Variants in TMEM123 observed in about 807,000 individuals in gnomAD.
TMEM123 encodes porimin.
Under a neutral mutation model 19.7 loss-of-function variants are expected in TMEM123, and 16 were observed. The ratio of observed to expected loss-of-function variants is 0.81; its 90% CI spans 0.55 to 1.23. The LOEUF (loss-of-function observed/expected upper bound fraction) is 1.23, where lower values mean the gene tolerates loss of function less well. Among genes scored for constraint, TMEM123 ranks in the 50% most tolerant of loss-of-function variants. The probability of loss-of-function intolerance (pLI) is 0.00; values close to 1 mark genes in which losing one functional copy is unlikely to be tolerated. For missense variants in TMEM123, 313 were observed against 257.8 expected (o/e 1.21, Z -1.47); for synonymous variants, 118 against 99.4 (o/e 1.19, Z -1.12).
intron 2 of TMEM123, among the ~76,000 whole-genome samples, chr11:102,425,813 G>C (rs1430066119): frequency 1.3e-5 from 2 of 151,822 alleles, no homozygotes; most frequent in Non-Finnish European, 2.9e-5. Flanking sequence ...AACTCCTGGA[G>C]TCAAGCAATC....
At chr11:102,426,335 C>T (rs1489724227) in intron 2 of TMEM123, among the ~76,000 whole-genome samples, 1 of 152,148 alleles carries the variant, frequency 6.6e-6, no homozygotes, top group African/African-American at 2.4e-5. Flanking sequence ...TGAATGCTTA[C>T]CTACATTAAC....
At chr11:102,413,255 A>C (rs2135848588) in intron 2 of TMEM123, among the ~76,000 whole-genome samples, 1 of 152,356 alleles carries the variant, frequency 6.6e-6, no homozygotes, top group East Asian at 1.9e-4. Context: ...AGTTTCTATT[A>C]AGGTATGTGT....
intron 2 of TMEM123, among the ~76,000 whole-genome samples, chr11:102,427,604 T>C (rs1952140543): frequency 6.6e-6 from 1 of 150,990 alleles, no homozygotes; most frequent in Non-Finnish European, 1.5e-5. Flanking sequence ...TTCGGGAGGC[T>C]GAGGCAGGTG....
intron 2 of TMEM123, among the ~76,000 whole-genome samples, chr11:102,448,531 C>G (rs1399864754): frequency 6.6e-6 from 1 of 152,238 alleles, no homozygotes; most frequent in Non-Finnish European, 1.5e-5. Flanking sequence ...AAAACCCTCA[C>G]ATCTAAAAAT....
At chr11:102,430,504 G>T (rs768671053) in intron 2 of TMEM123, among the ~76,000 whole-genome samples, 2 of 152,210 alleles carry the variant, frequency 1.3e-5, no homozygotes, top group Non-Finnish European at 2.9e-5. Flanking sequence ...TGGACCTGAG[G>T]AAACAAGCTT....
Position 102,436,492 on chromosome 11 carries a change from T to C in TMEM123, c.157+12320A>G, listed in dbSNP as rs57571085. 7.3e-3 allele frequency among the ~76,000 whole-genome samples: 1,115 copies of C among 152,090 alleles called. 20 individuals carry two copies. The highest frequency in any genetic ancestry group is 0.025 in the African/African-American group (1,021 of 41,550). ...TTTAACTCCTTATAAATAAATGTAA[T>C]TCAAAGCCAAGAAGACTGGTGCATG... is the stretch of plus-strand genomic sequence containing the variant. On this transcript the variant is annotated intron_variant, in intron 2 of 4. Coordinates refer to ENST00000398136, the MANE Select transcript of TMEM123 (RefSeq NM_052932.3).
At chr11:102,412,528 G>A (rs1952014014) in intron 2 of TMEM123, among the ~76,000 whole-genome samples, 1 of 152,058 alleles carries the variant, frequency 6.6e-6, no homozygotes. Flanking sequence ...ATAAGATATA[G>A]AAATGCTAAA....
At chr11:102,446,578 T>C (rs183032341) in intron 2 of TMEM123, among the ~76,000 whole-genome samples, 1 of 152,352 alleles carries the variant, frequency 6.6e-6, no homozygotes, top group East Asian at 1.9e-4. Context: ...AAAATATCTA[T>C]GTTGCTCCAC....
chr11:102,410,869 T>A (rs1049335454), intron 2 of TMEM123, among the ~76,000 whole-genome samples: 2 of 152,150 alleles, frequency 1.3e-5, no homozygotes, highest in Admixed American at 6.5e-5. Flanking sequence ...GATTTTCACC[T>A]CCTCCTCAGG....
chr11:102,435,952 G>A (rs1857758352), intron 2 of TMEM123, among the ~76,000 whole-genome samples: 1 of 151,738 alleles, frequency 6.6e-6, no homozygotes, highest in Non-Finnish European at 1.5e-5. Context: ...CTTGACTGTG[G>A]TGATGGTTAA....
At chr11:102,398,999 A>G in intron 4 of TMEM123, 108 bp from the exon 5 acceptor site, 6 of 987,382 alleles carry the variant, frequency 6.1e-6, no homozygotes, top group South Asian at 6.0e-5. Flanking sequence ...AAGCTGCACA[A>G]TCAAAATGGT....
At chr11:102,411,828 GAC>G (rs940208942) in intron 2 of TMEM123, among the ~76,000 whole-genome samples, 10 of 152,168 alleles carry the variant, frequency 6.6e-5, no homozygotes, top group Non-Finnish European at 1.3e-4. Flanking sequence ...CAAAGTGTCA[GAC>G]ACAGTTCTGG....
rs368542693 is a variant in TMEM123 at position 102,402,144 on chromosome 11, G to A, written c.220C>T (p.Pro74Ser). The change falls in exon 3 of 5, where the codon CCA becomes TCA. Residue 74 changes from proline to serine, a missense_variant. Coordinates refer to ENST00000398136, the MANE Select transcript of TMEM123 (RefSeq NM_052932.3). ...NETSNSTVKP[P>S]TSVASDSSNT... is the part of the protein sequence containing the mutation. ...CTGGAGTCTGAGGCAACTGAAGTTG[G>A]TGGTTTCACAGTACTGTTGGAAGTT... The A allele has an allele frequency of 7.4e-5, 120 of 1,614,038 alleles. No individual in the cohort carries two copies. Among genetic ancestry groups the A allele is most frequent in the Non-Finnish European group, 8.2e-5 (97 of 1,180,038 alleles).
chr11:102,398,421 T>C lies in TMEM123; in HGVS notation c.*446A>G, dbSNP rs924835966. On this transcript the variant is annotated 3_prime_UTR_variant, in exon 5 of 5. Transcript: ENST00000398136. ...TATAATTTCTGTGTGGCATTAGTAA[T>C]TAAGATATATCCAGCTCTGAAAAGC... is the stretch of plus-strand genomic sequence containing the variant. The C allele has an allele frequency of 2.5e-6, 1 of 397,118 alleles. No homozygotes were observed. Among genetic ancestry groups the C allele is most frequent in the African/African-American group, 2.1e-5 (1 of 48,616 alleles). The allele number at this position is 397,118 out of a possible 1,614,324, so 24.6% of individuals were successfully genotyped here. A position where few individuals can be genotyped will look rare whatever the true frequency, so the allele number is the denominator to read the frequency against.
chr11:102,401,793 G>A (rs1951915520), intron 3 of TMEM123, 101 bp from the exon 4 acceptor site: 1 of 1,484,312 alleles, frequency 6.7e-7, no homozygotes, highest in Non-Finnish European at 9.0e-7. Context: ...CATTTAATTA[G>A]GAATTAAGGG....
At position 102,398,467 on chromosome 11, in the gene TMEM123, C is replaced by T. The variant is rs564089674; in HGVS notation, c.*400G>A. On this transcript the variant is annotated 3_prime_UTR_variant, in exon 5 of 5. Transcript: ENST00000398136. ...AAAGCACTGAAGTTCTTTATGTGAG[C>T]TACAAAAGATACCCAAAATCCTGAG... 7 of 406,556 alleles carry T rather than the reference C, an allele frequency of 1.7e-5. No homozygotes were observed. The South Asian group carries it at 5.8e-4, about 34-fold the overall frequency. The allele number at this position is 406,556 out of a possible 1,614,324, so 25.2% of individuals were successfully genotyped here.
intron 2 of TMEM123, among the ~76,000 whole-genome samples, chr11:102,419,168 AAAAC>A (rs1358066103): frequency 6.6e-6 from 1 of 152,240 alleles, no homozygotes; most frequent in African/African-American, 2.4e-5. Context: ...AAATAAAAGA[AAAAC>A]AAAAAGTGCA....
intron 2 of TMEM123, among the ~76,000 whole-genome samples, chr11:102,414,219 C>A: frequency 6.6e-6 from 1 of 152,134 alleles, no homozygotes; most frequent in East Asian, 1.9e-4. Flanking sequence ...CAAAAACCTA[C>A]AACTCACTGG....
intron 2 of TMEM123, among the ~76,000 whole-genome samples, chr11:102,418,165 T>G (rs140725086): frequency 1.8e-4 from 28 of 151,872 alleles, no homozygotes; most frequent in Non-Finnish European, 1.2e-4. Flanking sequence ...CAAAGGCAAC[T>G]GCAACAAAAG....
Sources: gnomAD v4.1 joint callset for allele counts (sites outside exome capture counted in the v4.1 genomes callset) on GRCh38, gnomAD v4.1.1 for gene constraint, MANE v1.5 for transcripts, NCBI Gene and HGNC (gene_info 2026-07-23, HGNC 2026-07-21) for gene names.